Variants in SDC2 observed in about 807,000 individuals in gnomAD.
SDC2 encodes syndecan-2.
Under a neutral mutation model 22.2 loss-of-function variants are expected in SDC2, and 13 were observed. The ratio of observed to expected loss-of-function variants is 0.59; its 90% CI spans 0.38 to 0.93. SDC2 has a LOEUF of 0.93. Ranked by LOEUF, SDC2 falls within the 40% of genes least tolerant of loss-of-function variation. SDC2 has a pLI of 0.00. For missense variants in SDC2, 235 were observed against 246.8 expected (o/e 0.95, Z 0.32); for synonymous variants, 94 against 92.8 (o/e 1.01, Z -0.07).
intron 2 of SDC2, among the ~76,000 whole-genome samples, chr8:96,599,953 A>C (rs1193908856): frequency 1.3e-5 from 2 of 152,172 alleles, no homozygotes; most frequent in Admixed American, 1.3e-4. Context: ...CCAACCTGGC[A>C]ACATAGTTGA....
At position 96,556,465 on chromosome 8, in the gene SDC2, C is replaced by T. The variant is rs541836625; in HGVS notation, c.61-37015C>T. Among the ~76,000 whole-genome samples the T allele has an allele frequency of 4.6e-5, 7 of 151,838 alleles. No individual in the cohort carries two copies. The East Asian group carries it at 9.7e-4, about 21-fold the overall frequency. On this transcript the variant is annotated intron_variant, in intron 1 of 4. Transcript: ENST00000302190. ...AACAGAACAGAGCCCTCAGAAATAA[C>T]GCCGCATATCTACAACTATCTGATC...
intron 1 of SDC2, among the ~76,000 whole-genome samples, chr8:96,545,099 C>T (rs1310737416): frequency 6.6e-6 from 1 of 152,220 alleles, no homozygotes; most frequent in Non-Finnish European, 1.5e-5. Context: ...ACTAGCTTTC[C>T]TCCTGTGGCT....
In SDC2 at chr8:96,532,416, T is replaced by G. The variant is rs1442216955; in HGVS notation, c.60+38085T>G. 1.2e-4 allele frequency among the ~76,000 whole-genome samples: 17 copies of G among 141,410 alleles called. 1 individual carries two copies. The highest frequency in any genetic ancestry group is 2.1e-4 in the Admixed American group (3 of 14,318). The allele number at this position is 141,410 out of a possible 152,430, so 92.8% of individuals were successfully genotyped here. On this transcript the variant is annotated intron_variant, in intron 1 of 4. Coordinates refer to ENST00000302190, the MANE Select transcript of SDC2 (RefSeq NM_002998.4). ...AGTCTCTCTGCTTATTGAGGCGTTTTTTTTTTTTTTTTTTTTTTTGGTAGG... is the reference window on the plus strand; with the variant it reads ...AGTCTCTCTGCTTATTGAGGCGTTTGTTTTTTTTTTTTTTTTTTTGGTAGG...
chr8:96,493,968 C>G lies in SDC2; in HGVS notation c.-304C>G. The G allele has an allele frequency of 2.2e-6, 1 of 457,424 alleles. No homozygotes were observed. The highest frequency in any genetic ancestry group is 3.8e-6 in the Non-Finnish European group (1 of 261,202). 28.3% of individuals were successfully genotyped at this position (457,424 alleles called of 1,614,324 possible). ...AGGAGTCCGCGGAGGAGCAAAACCA[C>G]AGCAGAGCAAGAAGAGCTTCAGAGA... is the stretch of plus-strand genomic sequence containing the variant. On this transcript the variant is annotated 5_prime_UTR_variant, in exon 1 of 5. Coordinates refer to ENST00000302190, the MANE Select transcript of SDC2 (RefSeq NM_002998.4).
At chr8:96,568,721 A>G (rs928395971) in intron 1 of SDC2, among the ~76,000 whole-genome samples, 1 of 152,228 alleles carries the variant, frequency 6.6e-6, no homozygotes, top group African/African-American at 2.4e-5. Flanking sequence ...CTAGGACATA[A>G]TTCAGGCCAC....
At chr8:96,545,792 A>G (rs1015917732) in intron 1 of SDC2, among the ~76,000 whole-genome samples, 5 of 152,162 alleles carry the variant, frequency 3.3e-5, no homozygotes, top group African/African-American at 9.7e-5. Flanking sequence ...CATCCAGCTG[A>G]ACTTGGTGTG....
intron 2 of SDC2, among the ~76,000 whole-genome samples, chr8:96,594,357 G>A (rs765750300): frequency 1.7e-4 from 26 of 152,092 alleles, no homozygotes; most frequent in Non-Finnish European, 3.7e-4. Context: ...ATATCCCTGG[G>A]GCAGCTGAGC....
In SDC2 at chr8:96,610,514, A is replaced by T. The variant is rs942046962; in HGVS notation, c.*966A>T. 6.6e-5 allele frequency: 10 copies of T among 152,196 alleles called. No homozygotes were observed. Among genetic ancestry groups the T allele is most frequent in the African/African-American group, 2.2e-4 (9 of 41,424 alleles). The allele number at this position is 152,196 out of a possible 1,614,324, so 9.4% of individuals were successfully genotyped here. ...TGTTAATGAGTATATGTAACAGTTTAAAAAAAAAGTTGGTATTTTATAAGC... is the reference window on the plus strand; with the variant it reads ...TGTTAATGAGTATATGTAACAGTTTTAAAAAAAAGTTGGTATTTTATAAGC... On this transcript the variant is annotated 3_prime_UTR_variant, in exon 5 of 5. Transcript: ENST00000302190.
intron 1 of SDC2, among the ~76,000 whole-genome samples, chr8:96,501,398 C>G (rs566533605): frequency 4.0e-5 from 6 of 150,296 alleles, no homozygotes; most frequent in African/African-American, 1.5e-4. Flanking sequence ...CCTCCTCCCC[C>G]CGTTCAAGTG....
At chr8:96,591,447 G>A (rs778269410) in intron 1 of SDC2, among the ~76,000 whole-genome samples, 1 of 152,084 alleles carries the variant, frequency 6.6e-6, no homozygotes, top group African/African-American at 2.4e-5. Flanking sequence ...GGCCAATTTG[G>A]TTTAAGTAAT....
chr8:96,599,072 G>C (rs1271193305), intron 2 of SDC2, among the ~76,000 whole-genome samples: 1 of 150,966 alleles, frequency 6.6e-6, no homozygotes, highest in East Asian at 2.0e-4. Flanking sequence ...CTCCCAAGTA[G>C]CTGGGACTAC....
intron 1 of SDC2, among the ~76,000 whole-genome samples, chr8:96,504,868 GAGTC>G (rs1396146103): frequency 2.0e-5 from 3 of 152,044 alleles, no homozygotes; most frequent in African/African-American, 4.8e-5. Flanking sequence ...TCCGAAAAGA[GAGTC>G]AGCGAAGGGA....
intron 3 of SDC2, among the ~76,000 whole-genome samples, chr8:96,605,550 C>T (rs1281598070): frequency 1.3e-5 from 2 of 152,178 alleles, no homozygotes; most frequent in Non-Finnish European, 2.9e-5. Flanking sequence ...GAAGGCCTGT[C>T]GTATTTCCTT....
chr8:96,551,560 A>T (rs1051732637), intron 1 of SDC2, among the ~76,000 whole-genome samples: 4 of 152,166 alleles, frequency 2.6e-5, no homozygotes. Flanking sequence ...TCTCCAGTCC[A>T]GTGGAACCTG....
rs1482583601 is a variant in SDC2, at chr8:96,544,124, T to C, written c.61-49356T>C. On this transcript the variant is annotated intron_variant, in intron 1 of 4. Coordinates refer to ENST00000302190, the MANE Select transcript of SDC2 (RefSeq NM_002998.4). ...TATATTTCAGAAAGAATTTTTCTTT[T>C]ACAATTGCTTTTCTGTTTTGGTTTA... 6.6e-5 allele frequency among the ~76,000 whole-genome samples: 10 copies of C among 152,250 alleles called. 1 individual carries two copies. The highest frequency in any genetic ancestry group is 5.2e-4 in the Admixed American group (8 of 15,286).
chr8:96,541,044 GTTAT>G (rs1813840302), intron 1 of SDC2, among the ~76,000 whole-genome samples: 1 of 133,926 alleles, frequency 7.5e-6, no homozygotes, highest in African/African-American at 2.9e-5. Context: ...CTGAAGTATA[GTTAT>G]TTAATTGATT....
chr8:96,542,173 C>T (rs16894708), intron 1 of SDC2, among the ~76,000 whole-genome samples: 1,706 of 152,286 alleles, frequency 0.011, 20 homozygotes, highest in African/African-American at 0.04. Flanking sequence ...AAGCCAATGC[C>T]GTGGATCATT....
intron 1 of SDC2, among the ~76,000 whole-genome samples, chr8:96,498,985 T>C (rs1254694649): frequency 6.6e-6 from 1 of 152,220 alleles, no homozygotes; most frequent in African/African-American, 2.4e-5. Flanking sequence ...GCCCATGGTC[T>C]AGACACCTCC....
intron 1 of SDC2, among the ~76,000 whole-genome samples, chr8:96,553,457 T>G (rs1328576158): frequency 6.6e-6 from 1 of 152,046 alleles, no homozygotes; most frequent in Non-Finnish European, 1.5e-5. Context: ...CAGGTTTTTT[T>G]TTTTTTTCTT....
Sources: gnomAD v4.1 joint callset for allele counts (sites outside exome capture counted in the v4.1 genomes callset) on GRCh38, gnomAD v4.1.1 for gene constraint, MANE v1.5 for transcripts, NCBI Gene and HGNC (gene_info 2026-07-23, HGNC 2026-07-21) for gene names.